Variants in APOB observed in about 807,000 individuals in gnomAD.
APOB encodes apolipoprotein B-100.
APOB carries 153 observed loss-of-function variants against 314.1 expected under a neutral mutation model. The observed-to-expected ratio is 0.49, with a 90% CI of 0.43 to 0.56. The LOEUF (loss-of-function observed/expected upper bound fraction) is 0.56. Among genes scored for constraint, APOB ranks in the 20% least tolerant of loss-of-function variants. The probability of loss-of-function intolerance (pLI) is 0.00; values close to 1 mark genes in which losing one functional copy is unlikely to be tolerated. For synonymous variants in APOB, 2,087 were observed against 2,036.4 expected, an observed-to-expected ratio of 1.02 and a Z score of -0.67; for missense variants, 5,430 against 5,350.7, an observed-to-expected ratio of 1.01 and a Z score of -0.46.
Position 21,006,713 on chromosome 2 carries a change from TGTG to T in APOB, c.10152_10154del (p.Thr3385del), listed in dbSNP as rs1663151804. ...TCAATCCCCTTTTTCTTGTCAATCT[TGTG>T]GTGCCCTCTAATTTGTACTGCAGTG... On this transcript the variant is annotated inframe_deletion, in exon 26 of 29. Coordinates refer to ENST00000233242, the MANE Select transcript of APOB (RefSeq NM_000384.3). 1 of 1,613,986 alleles carries T rather than the reference TGTG, an allele frequency of 6.2e-7. No homozygotes were observed. The highest frequency in any genetic ancestry group is 1.3e-5 in the African/African-American group (1 of 74,912).
Position 21,010,005 on chromosome 2 carries a change from T to C in APOB, c.6863A>G (p.His2288Arg). ...CACTCTAACATCAATAGCCTCAATG[T>C]GTTGTTTTAACTTTCCAGCTAGGTG... The part of the protein sequence containing the change: ...IQHLAGKLKQ[H>R]IEAIDVRVLL... The change falls in exon 26 of 29, where the codon CAC (histidine) becomes CGC (arginine). Residue 2288 changes from histidine (H) to arginine (R), a missense_variant. Coordinates refer to ENST00000233242, the MANE Select transcript of APOB (RefSeq NM_000384.3). The C allele has an allele frequency of 1.2e-6, 2 of 1,613,776 alleles. No individual in the cohort carries two copies. Among genetic ancestry groups the C allele is most frequent in the Non-Finnish European group, 1.7e-6 (2 of 1,179,906 alleles).
chr2:21,012,345 T>A lies in APOB; in HGVS notation c.4523A>T (p.Asp1508Val). Residue 1508 changes from aspartate (D) to valine (V), a missense_variant, in exon 26 of 29, where the codon GAT (aspartate) becomes GTT (valine). Around this residue, in one of 3 missense-constraint regions of APOB, gnomAD observed 2,085 missense variants for 2,079.7 expected, o/e 1.00. Transcript: ENST00000233242. ...KGTYGLSCQR[D>V]PNTGRLNGES... ...TCCATTGAGCCGGCCAGTGTTAGGATCCCTCTGACAAGACAGGCCATATGT... is the reference window on the plus strand; with the variant it reads ...TCCATTGAGCCGGCCAGTGTTAGGAACCCTCTGACAAGACAGGCCATATGT... 1 of 1,614,096 alleles carries A rather than the reference T, an allele frequency of 6.2e-7. No individual in the cohort carries two copies. The highest frequency in any genetic ancestry group is 1.1e-5 in the South Asian group (1 of 91,068).
At chr2:21,020,213 G>A (rs554981524) in intron 18 of APOB, among the ~76,000 whole-genome samples, 5 of 152,224 alleles carry the variant, frequency 3.3e-5, no homozygotes, top group East Asian at 1.9e-4. Flanking sequence ...TGATCACTGG[G>A]GCTGAACTTC....
rs758261936 is a variant in APOB at position 21,026,784 on chromosome 2, A to C, written c.2244+4T>G. ...CCTTAAGAAGATACTTCACAAATAC[A>C]CACCTGCTCATGTTTATCATCTTTG... On this transcript the variant is annotated splice_donor_region_variant and intron_variant, in intron 15 of 28. Transcript: ENST00000233242. 9 of 1,611,672 alleles carry C rather than the reference A, an allele frequency of 5.6e-6. No individual in the cohort carries two copies. The Admixed American group carries it at 1.5e-4, about 27-fold the overall frequency.
intron 16 of APOB, 121 bp from the exon 17 acceptor site, chr2:21,023,813 AT>A: frequency 2.5e-6 from 2 of 793,282 alleles, no homozygotes; most frequent in Non-Finnish European, 3.9e-6. Flanking sequence ...GGACTAGCAT[AT>A]TTTGATGAGC....
In APOB at chr2:21,015,547, T is replaced by C; in HGVS notation, c.3333-2A>G. On this transcript the variant is annotated splice_acceptor_variant, in intron 21 of 28. Transcript: ENST00000233242. LOFTEE classifies it high-confidence loss of function. ...TTTCTTTCTTCCTTTGTGTCACAAC[T>C]ATGGTAAAGAAAATCAGTTGGCACC... 1 of 1,612,034 alleles carries C rather than the reference T, an allele frequency of 6.2e-7. No homozygotes were observed.
chr2:21,006,113 G>T lies in APOB; in HGVS notation c.10755C>A (p.Ser3585Arg), dbSNP rs748957122. The T allele has an allele frequency of 1.9e-6, 3 of 1,613,972 alleles. No individual in the cohort carries two copies. The highest frequency in any genetic ancestry group is 2.5e-6 in the Non-Finnish European group (3 of 1,179,944). ...ATGGAGAGAGTTCCAGGGTGGCTTT[G>T]CTTGTATGTTCTCCGTTGGTGAAAA... is the stretch of plus-strand genomic sequence containing the variant. ...GLFFTNGEHT[S>R]KATLELSPWQ... The change falls in exon 26 of 29, where the codon AGC becomes AGA. Residue 3585 changes from serine to arginine, a missense_variant. By Grantham distance (110) the Ser-to-Arg change is moderately radical. Transcript: ENST00000233242.
rs756366063 is a variant in APOB at position 21,011,530 on chromosome 2, A to G, written c.5338T>C (p.Tyr1780His). The G allele has an allele frequency of 6.2e-7, 1 of 1,614,158 alleles. No homozygotes were observed. The highest frequency in any genetic ancestry group is 8.5e-7 in the Non-Finnish European group (1 of 1,179,988). ...AGCTGTAAATTAACAGTTTGCTTATAAAACTTGTCAGAGCTGTAAATGTTG... is the reference window on the plus strand; with the variant it reads ...AGCTGTAAATTAACAGTTTGCTTATGAAACTTGTCAGAGCTGTAAATGTTG... ...LDNIYSSDKFYKQTVNLQLQP... is the reference protein window; with the variant it reads ...LDNIYSSDKFHKQTVNLQLQP... The change falls in exon 26 of 29, where the codon TAT becomes CAT. Residue 1780 changes from tyrosine to histidine, a missense_variant. Coordinates refer to ENST00000233242, the MANE Select transcript of APOB (RefSeq NM_000384.3).
In APOB at chr2:21,015,188, G is replaced by A. The variant is rs771907570; in HGVS notation, c.3581C>T (p.Pro1194Leu). ...CTTAGGATAATCGGAGAGATCCACA[G>A]GGAAATTGGAAGTCATTTTTTTGGT... The part of the protein sequence containing the change: ...VDTKKMTSNF[P>L]VDLSDYPKSL... The change falls in exon 23 of 29, where the codon CCT becomes CTT. Residue 1194 changes from proline to leucine, a missense_variant. Coordinates refer to ENST00000233242, the MANE Select transcript of APOB (RefSeq NM_000384.3). 4 of 1,614,044 alleles carry A rather than the reference G, an allele frequency of 2.5e-6. No individual in the cohort carries two copies.
At position 21,019,927 on chromosome 2, in the gene APOB, T is replaced by C. The variant is rs1422717050; in HGVS notation, c.2817-22A>G. On this transcript the variant is annotated intron_variant, in intron 18 of 28. Coordinates refer to ENST00000233242, the MANE Select transcript of APOB (RefSeq NM_000384.3). Reference sequence around the variant, plus strand: ...GTTGCTGGTGAAGAACAAAAATACCTGAGTTATTGCCAAGTCATGAATCAA... The same window carrying C: ...GTTGCTGGTGAAGAACAAAAATACCCGAGTTATTGCCAAGTCATGAATCAA... 4 of 1,612,696 alleles carry C rather than the reference T, an allele frequency of 2.5e-6. No homozygotes were observed. The Admixed American group carries it at 5.0e-5, about 20-fold the overall frequency.
rs1663216967 is a variant in APOB at position 21,008,607 on chromosome 2, G to A, written c.8261C>T (p.Thr2754Ile). The A allele has an allele frequency of 5.6e-6, 9 of 1,614,112 alleles. No homozygotes were observed. Among genetic ancestry groups the A allele is most frequent in the Non-Finnish European group, 7.6e-6 (9 of 1,179,978 alleles). ...PHISHTIEVP[T>I]FGKLYSILKI... ...CAGAATACTGTATAGCTTGCCAAAA[G>A]TAGGTACTTCAATTGTGTGTGAGAT... Residue 2754 changes from threonine to isoleucine, a missense_variant, in exon 26 of 29, where the codon ACT becomes ATT. Around this residue, in one of 3 missense-constraint regions of APOB, gnomAD observed 3,281 missense variants for 3,171.0 expected, o/e 1.03. Transcript: ENST00000233242.
chr2:21,016,955 G>A (rs1663488910), intron 20 of APOB, among the ~76,000 whole-genome samples: 1 of 150,906 alleles, frequency 6.6e-6, no homozygotes, highest in Admixed American at 6.6e-5. Flanking sequence ...CTGCACTGCA[G>A]CCTGGGCAAA....
At chr2:21,016,828 C>CA (rs1413771483) in intron 20 of APOB, among the ~76,000 whole-genome samples, 179 bp from the exon 21 acceptor site, 1 of 151,714 alleles carries the variant, frequency 6.6e-6, no homozygotes, top group Admixed American at 6.6e-5. Flanking sequence ...ACTAAAAATA[C>CA]AAAAAATTAG....
intron 17 of APOB, 56 bp from the exon 18 acceptor site, chr2:21,023,098 G>A: frequency 6.7e-7 from 1 of 1,500,724 alleles, no homozygotes; most frequent in East Asian, 2.3e-5. Context: ...TCCCCTGTCA[G>A]TCAGATCAAC....
rs1662994284 is a variant in APOB, at chr2:21,002,072, T to C, written c.13350A>G (p.Glu4450=). The change falls in exon 29 of 29, where the codon GAA becomes GAG. Residue 4450 remains glutamate, a synonymous_variant. Transcript: ENST00000233242. ...CTGGATCGGTAAGGATGCTAAGATATTCCTGAATATTTCTGTGCAGAAATT... is the reference window on the plus strand; with the variant it reads ...CTGGATCGGTAAGGATGCTAAGATACTCCTGAATATTTCTGTGCAGAAATT... The part of the protein sequence containing the change: ...VEQFLHRNIQ[E]YLSILTDPDG... The C allele has an allele frequency of 6.2e-7, 1 of 1,613,906 alleles. No individual in the cohort carries two copies. The highest frequency in any genetic ancestry group is 1.3e-5 in the African/African-American group (1 of 74,934).
chr2:21,008,910 A>C lies in APOB; in HGVS notation c.7958T>G (p.Leu2653Arg), dbSNP rs552447556. 1 of 1,614,126 alleles carries C rather than the reference A, an allele frequency of 6.2e-7. No homozygotes were observed. Among genetic ancestry groups the C allele is most frequent in the South Asian group, 1.1e-5 (1 of 91,086 alleles). Residue 2653 changes from leucine (L) to arginine (R), a missense_variant, in exon 26 of 29, where the codon CTT becomes CGT. By Grantham distance (102) the Leu-to-Arg change is moderately radical. This residue lies in a region of APOB where 3,281 missense variants were observed against 3,171.0 expected (regional missense o/e 1.03). Coordinates refer to ENST00000233242, the MANE Select transcript of APOB (RefSeq NM_000384.3). ...AAAGGAAGGAATGTGGAAGGTGTTAAGGATGGTAAATTCTGGTGTGGAAAA... is the reference window on the plus strand; with the variant it reads ...AAAGGAAGGAATGTGGAAGGTGTTACGGATGGTAAATTCTGGTGTGGAAAA... ...SRFSTPEFTI[L>R]NTFHIPSFTI...
chr2:21,011,004 A>G lies in APOB; in HGVS notation c.5864T>C (p.Val1955Ala), dbSNP rs775995651. ...DYKGSTSHHL[V>A]SRKSISAALE... ...AGCTGCACTGATGCTTTTCCTAGAC[A>G]CGAGATGATGACTTGTGGAGCCTTT... The change falls in exon 26 of 29, where the codon GTG becomes GCG. Residue 1955 changes from valine to alanine, a missense_variant. Transcript: ENST00000233242. 15 of 1,614,046 alleles carry G rather than the reference A, an allele frequency of 9.3e-6. No homozygotes were observed. Among genetic ancestry groups the G allele is most frequent in the Non-Finnish European group, 1.3e-5 (15 of 1,180,024 alleles).
chr2:21,037,962 A>T lies in APOB; in HGVS notation c.533T>A (p.Phe178Tyr), dbSNP rs768286574. The T allele has an allele frequency of 1.1e-5, 18 of 1,614,084 alleles. No homozygotes were observed. Among genetic ancestry groups the T allele is most frequent in the African/African-American group, 2.7e-5 (2 of 74,916 alleles). ...ATCAGCTTTCTAAATCCTCACCAGA[A>T]ACAACACTTGCTTGGCTTCTTCTGT... ...PETEEAKQVL[F>Y]LDTVYGNCST... The change falls in exon 5 of 29, where the codon TTT (phenylalanine) becomes TAT (tyrosine). Residue 178 changes from phenylalanine to tyrosine, a missense_variant. By Grantham distance (22) the Phe-to-Tyr change is conservative. Transcript: ENST00000233242.
At position 21,004,677 on chromosome 2, in the gene APOB, T is replaced by A; in HGVS notation, c.11789-2A>T. On this transcript the variant is annotated splice_acceptor_variant, in intron 26 of 28. Coordinates refer to ENST00000233242, the MANE Select transcript of APOB (RefSeq NM_000384.3). LOFTEE classifies it high-confidence loss of function. The stretch of plus-strand genomic sequence containing the variant: ...CTTCGATTTTGTGTGTTCCCAAAAC[T>A]GTATAGGAGAGATTTTGTATTTTAT... The A allele has an allele frequency of 1.2e-6, 2 of 1,603,518 alleles. No individual in the cohort carries two copies. The highest frequency in any genetic ancestry group is 1.7e-6 in the Non-Finnish European group (2 of 1,170,416).
Sources: gnomAD v4.1 joint callset for allele counts (sites outside exome capture counted in the v4.1 genomes callset) on GRCh38, gnomAD v4.1.1 for gene constraint, gnomAD v4.1.1 regional missense constraint, MANE v1.5 for transcripts, NCBI Gene and HGNC (gene_info 2026-07-23, HGNC 2026-07-21) for gene names.